The following CSMD1 variants were observed in gnomAD, a reference collection of about 807,000 sequenced individuals.
The protein encoded by CSMD1 is CUB and Sushi multiple domains 1, also known as CUB and sushi domain-containing protein 1.
A neutral mutation model predicts 417.5 loss-of-function variants in CSMD1; 213 were observed. That is an observed-to-expected ratio of 0.51 (90% CI 0.46 to 0.57). The LOEUF (loss-of-function observed/expected upper bound fraction) is 0.57, where lower values mean the gene tolerates loss of function less well. Ranked by LOEUF, CSMD1 falls within the 20% of genes least tolerant of loss-of-function variation. CSMD1 has a pLI of 0.00. For synonymous variants in CSMD1, 2,862 were observed against 1,736.8 expected (o/e 1.65, Z -16.11); for missense variants, 6,923 against 4,529.7 (o/e 1.53, Z -15.17).
intron 12 of CSMD1, among the ~76,000 whole-genome samples, chr8:3,445,354 A>G (rs1314529200): frequency 6.6e-6 from 1 of 152,184 alleles, no homozygotes; most frequent in Non-Finnish European, 1.5e-5. Flanking sequence ...TGACGTGTAT[A>G]CATATATGTT....
intron 8 of CSMD1, 102 bp downstream of exon 8, chr8:3,616,608 T>C (rs1179249542): frequency 4.0e-6 from 3 of 742,284 alleles, no homozygotes; most frequent in Non-Finnish European, 6.8e-6. Context: ...AGAAGTTTTA[T>C]CTTTACCTCA....
chr8:3,590,864 A>C (rs1800814980), intron 8 of CSMD1, among the ~76,000 whole-genome samples: 1 of 152,222 alleles, frequency 6.6e-6, no homozygotes, highest in South Asian at 2.1e-4. Context: ...TATCTAACAC[A>C]TGAATCAGTT....
intron 5 of CSMD1, among the ~76,000 whole-genome samples, chr8:3,989,484 G>C (rs181123789): frequency 6.6e-6 from 1 of 152,302 alleles, no homozygotes; most frequent in Admixed American, 6.5e-5. Flanking sequence ...AAAAAACCTG[G>C]ATTCTCTTCT....
intron 7 of CSMD1, among the ~76,000 whole-genome samples, chr8:3,643,469 G>C (rs187520732): frequency 1.2e-3 from 175 of 152,122 alleles, no homozygotes; most frequent in Non-Finnish European, 2.0e-3. Flanking sequence ...TTGGGAGGCC[G>C]AGGTAGGCGG....
chr8:3,889,555 GTGTC>G lies in CSMD1; in HGVS notation c.818+108344_818+108347del, dbSNP rs754504471. ...TACATACACACATATGTGTATATGT[GTGTC>G]TGTGTGTGTGTATGTGTATGTATAC... On this transcript the variant is annotated intron_variant, in intron 5 of 69. Coordinates refer to ENST00000635120, the MANE Select transcript of CSMD1 (RefSeq NM_033225.6). Among the ~76,000 whole-genome samples, 232 of 86,078 alleles carry G rather than the reference GTGTC, an allele frequency of 2.7e-3. 3 individuals are homozygous for G. The highest frequency in any genetic ancestry group is 0.015 in the East Asian group (37 of 2,516). 56.5% of individuals were successfully genotyped at this position (86,078 alleles called of 152,430 possible). A position where few individuals can be genotyped will look rare whatever the true frequency, so the allele number is the denominator to read the frequency against.
At position 4,954,452 on chromosome 8, in the gene CSMD1, T is replaced by C. The variant is rs73659085; in HGVS notation, c.85+39880A>G. Reference sequence around the variant, plus strand: ...GTGCACAATTGTATAGCTGACACCATTTATTGATTTGAATGATGACTGAAA... The same window carrying C: ...GTGCACAATTGTATAGCTGACACCACTTATTGATTTGAATGATGACTGAAA... On this transcript the variant is annotated intron_variant, in intron 1 of 69. Coordinates refer to ENST00000635120, the MANE Select transcript of CSMD1 (RefSeq NM_033225.6). Among the ~76,000 whole-genome samples, 995 of 152,302 alleles carry C rather than the reference T, an allele frequency of 6.5e-3. 13 individuals carry two copies. Among genetic ancestry groups the C allele is most frequent in the African/African-American group, 0.022 (934 of 41,572 alleles).
At chr8:4,812,228 C>A (rs1243875070) in intron 1 of CSMD1, among the ~76,000 whole-genome samples, 1 of 152,154 alleles carries the variant, frequency 6.6e-6, no homozygotes, top group Non-Finnish European at 1.5e-5. Context: ...AAGTGAGACA[C>A]AACCAGTCGA....
intron 1 of CSMD1, among the ~76,000 whole-genome samples, chr8:4,863,838 A>AT (rs1585230421): frequency 6.6e-6 from 1 of 152,062 alleles, no homozygotes; most frequent in African/African-American, 2.4e-5. Context: ...AAGAAATGAA[A>AT]TTTTTTATAC....
intron 1 of CSMD1, among the ~76,000 whole-genome samples, chr8:4,831,780 G>A (rs985580622): frequency 3.9e-5 from 6 of 152,134 alleles, no homozygotes; most frequent in Non-Finnish European, 8.8e-5. Flanking sequence ...GGAGATGACT[G>A]CAGCAGGTCC....
chr8:4,801,571 C>T (rs1330128264), intron 1 of CSMD1, among the ~76,000 whole-genome samples: 1 of 151,980 alleles, frequency 6.6e-6, no homozygotes, highest in Non-Finnish European at 1.5e-5. Flanking sequence ...AACTCTTTTG[C>T]ATATCTCAAT....
At chr8:3,354,679 G>T (rs1181172342) in intron 21 of CSMD1, among the ~76,000 whole-genome samples, 1 of 151,630 alleles carries the variant, frequency 6.6e-6, no homozygotes, top group African/African-American at 2.4e-5. Flanking sequence ...TATTGGATTA[G>T]CTTTTAAGAA....
At chr8:4,326,425 T>G (rs193199494) in intron 3 of CSMD1, among the ~76,000 whole-genome samples, 1 of 152,088 alleles carries the variant, frequency 6.6e-6, no homozygotes, top group South Asian at 2.1e-4. Flanking sequence ...GAAAACCAAT[T>G]AGGCAGCTAC....
At chr8:4,408,378 A>G (rs1276634331) in intron 3 of CSMD1, among the ~76,000 whole-genome samples, 3 of 152,242 alleles carry the variant, frequency 2.0e-5, no homozygotes, top group East Asian at 1.9e-4. Context: ...TACTGTCAAA[A>G]AAGAGGCATT....
chr8:3,278,130 C>G (rs923372600), intron 26 of CSMD1, among the ~76,000 whole-genome samples: 11 of 151,852 alleles, frequency 7.2e-5, no homozygotes, highest in Non-Finnish European at 1.2e-4. Context: ...ATAGAGTGAC[C>G]CTTGGAATAA....
intron 17 of CSMD1, among the ~76,000 whole-genome samples, chr8:3,393,335 A>G (rs1260953218): frequency 6.6e-6 from 1 of 152,202 alleles, no homozygotes; most frequent in East Asian, 1.9e-4. Flanking sequence ...CTACCTCCTG[A>G]GACTTCCAAC....
At position 4,035,888 on chromosome 8, in the gene CSMD1, G is replaced by A. The variant is rs577735581; in HGVS notation, c.416-3789C>T. On this transcript the variant is annotated intron_variant, in intron 3 of 69. Transcript: ENST00000635120. ...CATAGTCCCGTCCGAAGCCTTCACA[G>A]TCACCCCTCACTCACACACAGACTC... Among the ~76,000 whole-genome samples the A allele has an allele frequency of 1.4e-4, 21 of 152,226 alleles. No individual in the cohort carries two copies. In the South Asian group the frequency reaches 4.4e-3, roughly 32 times the overall value.
intron 7 of CSMD1, among the ~76,000 whole-genome samples, chr8:3,671,730 G>A (rs986306087): frequency 6.6e-6 from 1 of 151,688 alleles, no homozygotes; most frequent in Non-Finnish European, 1.5e-5. Context: ...CCCAGCACCG[G>A]CAGGCTGCCT....
intron 50 of CSMD1, among the ~76,000 whole-genome samples, chr8:3,049,340 T>C (rs1195297240): frequency 1.3e-5 from 2 of 152,192 alleles, no homozygotes; most frequent in Non-Finnish European, 2.9e-5. Context: ...CCAGATGTTG[T>C]CTGTACGTAA....
chr8:4,162,454 A>G (rs1325617533), intron 3 of CSMD1, among the ~76,000 whole-genome samples: 2 of 152,320 alleles, frequency 1.3e-5, no homozygotes, highest in East Asian at 3.9e-4. Flanking sequence ...AGGTGAATTC[A>G]AGACTTACAC....
Sources: allele counts gnomAD v4.1 joint callset (sites outside exome capture counted in the v4.1 genomes callset), GRCh38; gene constraint gnomAD v4.1.1; transcripts MANE v1.5; gene names NCBI Gene and HGNC (gene_info 2026-07-23, HGNC 2026-07-21).